Variants in SDC2 observed in about 807,000 individuals in gnomAD.
SDC2 encodes syndecan-2.
In SDC2, 13 loss-of-function variants were observed where a neutral mutation model predicts 22.2. The ratio of observed to expected loss-of-function variants is 0.59; its 90% CI spans 0.38 to 0.93. SDC2 has a LOEUF of 0.93. Among genes scored for constraint, SDC2 ranks in the 40% least tolerant of loss-of-function variants. SDC2 has a pLI of 0.00. For missense variants in SDC2, 235 were observed against 246.8 expected, an observed-to-expected ratio of 0.95 and a Z score of 0.32; for synonymous variants, 94 against 92.8, an observed-to-expected ratio of 1.01 and a Z score of -0.07.
At chr8:96,540,143 CAAG>C (rs993348880) in intron 1 of SDC2, among the ~76,000 whole-genome samples, 4 of 151,326 alleles carry the variant, frequency 2.6e-5, no homozygotes, top group Admixed American at 6.6e-5. Flanking sequence ...TTCAGAATCT[CAAG>C]GAGGGGAGAA....
intron 1 of SDC2, among the ~76,000 whole-genome samples, chr8:96,526,280 A>G (rs1813576944): frequency 6.6e-6 from 1 of 152,198 alleles, no homozygotes; most frequent in Non-Finnish European, 1.5e-5. Flanking sequence ...CTAATACTTG[A>G]AGTTTTGTTG....
At chr8:96,563,947 G>C (rs1309891957) in intron 1 of SDC2, among the ~76,000 whole-genome samples, 1 of 152,182 alleles carries the variant, frequency 6.6e-6, no homozygotes, top group Non-Finnish European at 1.5e-5. Context: ...GCTACACTCT[G>C]TCATTACAGA....
At chr8:96,539,959 C>T (rs924761766) in intron 1 of SDC2, among the ~76,000 whole-genome samples, 1 of 152,170 alleles carries the variant, frequency 6.6e-6, no homozygotes, top group African/African-American at 2.4e-5. Flanking sequence ...GTCTCACTGT[C>T]ACCCAGGCTA....
At chr8:96,495,553 A>G (rs1813060264) in intron 1 of SDC2, among the ~76,000 whole-genome samples, 1 of 152,192 alleles carries the variant, frequency 6.6e-6, no homozygotes, top group Admixed American at 6.5e-5. Context: ...CTGGTTCCCC[A>G]CGTCCTCTCC....
In SDC2 at chr8:96,602,299, G is replaced by T. The variant is rs368901438; in HGVS notation, c.173-96G>T. 83 of 1,260,344 alleles carry T rather than the reference G, an allele frequency of 6.6e-5. No homozygotes were observed. The African/African-American group carries it at 1.1e-3, about 17-fold the overall frequency. The allele number at this position is 1,260,344 out of a possible 1,614,324, so 78.1% of individuals were successfully genotyped here. On this transcript the variant is annotated intron_variant, in intron 2 of 4. Transcript: ENST00000302190. ...AAGAGCCAGCATTTTGAAAGAACAT[G>T]ATTCTGTCAGTGTCAACGTCAGGCA... is the stretch of plus-strand genomic sequence containing the variant.
At chr8:96,576,442 C>T (rs1214368177) in intron 1 of SDC2, among the ~76,000 whole-genome samples, 1 of 5,238 alleles carries the variant, frequency 1.9e-4, no homozygotes, top group Admixed American at 1.2e-3. Flanking sequence ...TTTTTTGAGA[C>T]GGAGTCTCGC....
chr8:96,588,975 T>A (rs944339344), intron 1 of SDC2, among the ~76,000 whole-genome samples: 5 of 152,246 alleles, frequency 3.3e-5, no homozygotes, highest in African/African-American at 1.2e-4. Context: ...TTTGTTCAGT[T>A]GCTATCCTAC....
intron 1 of SDC2, among the ~76,000 whole-genome samples, chr8:96,575,895 A>G (rs1215026921): frequency 6.6e-6 from 1 of 152,218 alleles, no homozygotes; most frequent in Non-Finnish European, 1.5e-5. Flanking sequence ...AGCTCTGATA[A>G]GGAAGTTCCT....
chr8:96,596,213 C>T (rs1397418369), intron 2 of SDC2, among the ~76,000 whole-genome samples: 2 of 152,104 alleles, frequency 1.3e-5, no homozygotes, highest in East Asian at 1.9e-4. Flanking sequence ...GGGAGTTGGG[C>T]GTGAGAGTGT....
intron 1 of SDC2, among the ~76,000 whole-genome samples, chr8:96,534,107 G>A (rs1374745444): frequency 6.6e-6 from 1 of 152,202 alleles, no homozygotes; most frequent in Non-Finnish European, 1.5e-5. Context: ...CTCAGAGTGC[G>A]GGGCCTGCCG....
At chr8:96,507,063 G>T (rs1183292829) in intron 1 of SDC2, among the ~76,000 whole-genome samples, 1 of 151,368 alleles carries the variant, frequency 6.6e-6, no homozygotes, top group East Asian at 1.9e-4. Context: ...GTATAAAAGT[G>T]TTGGGATAAT....
chr8:96,498,535 C>G (rs1025340211), intron 1 of SDC2, among the ~76,000 whole-genome samples: 1 of 151,604 alleles, frequency 6.6e-6, no homozygotes, highest in South Asian at 2.1e-4. Flanking sequence ...CAATGGCACT[C>G]TGCAACCACC....
At chr8:96,587,943 T>G (rs1814713972) in intron 1 of SDC2, among the ~76,000 whole-genome samples, 1 of 152,056 alleles carries the variant, frequency 6.6e-6, no homozygotes, top group South Asian at 2.1e-4. Flanking sequence ...CTGTATGATT[T>G]CAGGCAACAA....
chr8:96,519,870 G>A (rs946293864), intron 1 of SDC2, among the ~76,000 whole-genome samples: 12 of 151,998 alleles, frequency 7.9e-5, no homozygotes, highest in African/African-American at 2.9e-4. Flanking sequence ...TCAAGTGATC[G>A]GCCTGCCTCA....
intron 1 of SDC2, among the ~76,000 whole-genome samples, chr8:96,517,183 TACTG>T (rs1156747412): frequency 6.6e-6 from 1 of 152,242 alleles, no homozygotes; most frequent in Non-Finnish European, 1.5e-5. Flanking sequence ...TTCATTTTCT[TACTG>T]ACTGATGATG....
At chr8:96,570,708 G>GA (rs905285567) in intron 1 of SDC2, among the ~76,000 whole-genome samples, 1 of 152,022 alleles carries the variant, frequency 6.6e-6, no homozygotes, top group African/African-American at 2.4e-5. Context: ...AACTTAGTAT[G>GA]AAAAAAATAT....
At chr8:96,519,778 C>G (rs142275891) in intron 1 of SDC2, among the ~76,000 whole-genome samples, 1 of 151,848 alleles carries the variant, frequency 6.6e-6, no homozygotes, top group African/African-American at 2.4e-5. Flanking sequence ...GGATTACAGG[C>G]GCGCACCTCC....
Position 96,608,445 on chromosome 8 carries a change from G to A in SDC2, c.417G>A (p.Leu139=), listed in dbSNP as rs1483297285. 15 of 1,613,050 alleles carry A rather than the reference G, an allele frequency of 9.3e-6. No homozygotes were observed. Among genetic ancestry groups the A allele is most frequent in the Non-Finnish European group, 1.3e-5 (15 of 1,179,596 alleles). Residue 139 remains leucine, a synonymous_variant, in exon 4 of 5, where the codon CTG becomes CTA. Coordinates refer to ENST00000302190, the MANE Select transcript of SDC2 (RefSeq NM_002998.4). The stretch of plus-strand genomic sequence containing the variant: ...ATACTGAGAAACACTCAGACAGTCT[G>A]TTTAAACGGACAGAAGTCCTAGCAG... ...NVYTEKHSDS[L]FKRTEVLAAV...
chr8:96,580,403 G>A (rs1814570711), intron 1 of SDC2: 1 of 985,446 alleles, frequency 1.0e-6, no homozygotes, highest in African/African-American at 1.7e-5. Context: ...AAGGGATAAT[G>A]CAACCGATAG....
Sources: allele counts gnomAD v4.1 joint callset (sites outside exome capture counted in the v4.1 genomes callset), GRCh38; gene constraint gnomAD v4.1.1; transcripts MANE v1.5; gene names NCBI Gene and HGNC (gene_info 2026-07-23, HGNC 2026-07-21).